The following GREB1 variants were observed in gnomAD, a reference collection of about 807,000 sequenced individuals.
The protein encoded by GREB1 is protein GREB1.
Under a neutral mutation model 200.7 loss-of-function variants are expected in GREB1, and 106 were observed. That is an observed-to-expected ratio of 0.53 (90% CI 0.45 to 0.62). The LOEUF (loss-of-function observed/expected upper bound fraction) is 0.62. Ranked by LOEUF, GREB1 falls within the 20% of genes least tolerant of loss-of-function variation. The pLI is 0.00. For missense variants in GREB1, 2,243 were observed against 2,556.8 expected (o/e 0.88, Z 2.65); for synonymous variants, 1,132 against 1,092.4 (o/e 1.04, Z -0.72).
intron 1 of GREB1, among the ~76,000 whole-genome samples, chr2:11,487,553 G>A (rs1246746912): frequency 6.6e-6 from 1 of 152,212 alleles, no homozygotes; most frequent in Non-Finnish European, 1.5e-5. Context: ...TTTAGGGGTA[G>A]TGTGAGAGAC....
At chr2:11,550,309 G>A (rs926511741) in intron 1 of GREB1, among the ~76,000 whole-genome samples, 1 of 152,174 alleles carries the variant, frequency 6.6e-6, no homozygotes, top group Non-Finnish European at 1.5e-5. Context: ...CTGTTATACT[G>A]AGTACCCCCA....
chr2:11,484,588 AAAAC>A (rs766926427), intron 1 of GREB1, among the ~76,000 whole-genome samples: 2,033 of 8,822 alleles, frequency 0.23, 69 homozygotes, highest in South Asian at 0.35. Flanking sequence ...CATCTCTTAA[AAAAC>A]AAAAAAAAAA....
At chr2:11,598,118 A>C in intron 14 of GREB1, 140 bp downstream of exon 14, 1 of 748,158 alleles carries the variant, frequency 1.3e-6, no homozygotes, top group Non-Finnish European at 2.3e-6. Context: ...TGTGAAACTG[A>C]TGTTCAGAGA....
In GREB1 at chr2:11,596,268, T is replaced by C. The variant is rs996882400; in HGVS notation, c.1954+29T>C. 14 of 1,598,426 alleles carry C rather than the reference T, an allele frequency of 8.8e-6. No homozygotes were observed. In the African/African-American group the frequency reaches 1.5e-4, roughly 17 times the overall value. On this transcript the variant is annotated intron_variant, in intron 13 of 32. Coordinates refer to ENST00000381486, the MANE Select transcript of GREB1 (RefSeq NM_014668.4). ...AGTGGTGAAAAGGAATCTCCCAGGG[T>C]GGAGAGGGTACAAAGTAGTGATGAG...
At chr2:11,582,171 C>G (rs1181800187) in intron 7 of GREB1, among the ~76,000 whole-genome samples, 1 of 152,234 alleles carries the variant, frequency 6.6e-6, no homozygotes, top group African/African-American at 2.4e-5. Flanking sequence ...TCTGTGGACC[C>G]CCAGCCTCCA....
At chr2:11,519,186 G>A (rs1164251706) in intron 1 of GREB1, among the ~76,000 whole-genome samples, 1 of 151,776 alleles carries the variant, frequency 6.6e-6, no homozygotes, top group African/African-American at 2.4e-5. Flanking sequence ...TGACAGAAAG[G>A]TACCAATTAC....
intron 4 of GREB1, among the ~76,000 whole-genome samples, chr2:11,574,244 C>T (rs1356639308): frequency 6.6e-6 from 1 of 152,210 alleles, no homozygotes; most frequent in Admixed American, 6.5e-5. Context: ...TGTACACTGG[C>T]ACACACACAG....
At chr2:11,505,963 A>G (rs1226942473) in intron 1 of GREB1, among the ~76,000 whole-genome samples, 6 of 152,242 alleles carry the variant, frequency 3.9e-5, no homozygotes, top group African/African-American at 1.2e-4. Flanking sequence ...AACATCGGCG[A>G]ACTCTCAGTT....
intron 27 of GREB1, among the ~76,000 whole-genome samples, chr2:11,632,335 C>CTTTTTTTTTTTTTTTT (rs567209224): frequency 2.7e-5 from 3 of 112,184 alleles, no homozygotes; most frequent in Non-Finnish European, 3.6e-5. Context: ...TTCTTTCTCT[C>CTTTTTTTTTTTTTTTT]TTTTTTTTTT....
chr2:11,630,602 C>A (rs897403839), intron 26 of GREB1, among the ~76,000 whole-genome samples: 1 of 152,192 alleles, frequency 6.6e-6, no homozygotes, highest in Non-Finnish European at 1.5e-5. Flanking sequence ...AGCCTTGTTT[C>A]ATCCGTCCCT....
At chr2:11,502,178 A>G (rs1158506417) in intron 1 of GREB1, among the ~76,000 whole-genome samples, 1 of 149,292 alleles carries the variant, frequency 6.7e-6, no homozygotes, top group Non-Finnish European at 1.5e-5. Flanking sequence ...GGGCCTCCCA[A>G]AGTTCTGGGA....
At chr2:11,560,717 T>G (rs904464064) in intron 2 of GREB1, among the ~76,000 whole-genome samples, 2 of 150,820 alleles carry the variant, frequency 1.3e-5, no homozygotes, top group Non-Finnish European at 2.9e-5. Context: ...AAAAAAGAAA[T>G]AAGCGAAGAG....
chr2:11,562,345 T>C (rs1305838409), intron 2 of GREB1, 118 bp from the exon 3 acceptor site: 3 of 1,331,700 alleles, frequency 2.3e-6, no homozygotes, highest in African/African-American at 3.0e-5. Context: ...CATTCTGGAT[T>C]AGTCCCATAG....
intron 1 of GREB1, among the ~76,000 whole-genome samples, chr2:11,501,216 C>G (rs1172894251): frequency 6.6e-6 from 1 of 152,178 alleles, no homozygotes; most frequent in Non-Finnish European, 1.5e-5. Flanking sequence ...TCCCTACTGA[C>G]TTTGCATTTA....
At chr2:11,529,947 A>C (rs1674009372), upstream of GREB1, among the ~76,000 whole-genome samples, 1 of 152,244 alleles carries the variant, frequency 6.6e-6, no homozygotes, top group Non-Finnish European at 1.5e-5. Flanking sequence ...AATGAAAATT[A>C]AGTTAAATTG....
intron 4 of GREB1, among the ~76,000 whole-genome samples, chr2:11,574,466 G>A (rs745765615): frequency 6.6e-6 from 1 of 152,168 alleles, no homozygotes; most frequent in Non-Finnish European, 1.5e-5. Flanking sequence ...GGCCCCCAGA[G>A]GAAAGGATGA....
chr2:11,503,072 A>G (rs1673090495), intron 1 of GREB1, among the ~76,000 whole-genome samples: 1 of 152,182 alleles, frequency 6.6e-6, no homozygotes. Context: ...AAGGAGACCA[A>G]TGTTCTAGTT....
rs1347168416 is a variant in GREB1, at chr2:11,642,510, G to C, written c.*2056G>C. The C allele has an allele frequency of 6.6e-6, 1 of 152,160 alleles. No individual in the cohort carries two copies. Among genetic ancestry groups the C allele is most frequent in the Non-Finnish European group, 1.5e-5 (1 of 68,032 alleles). The allele number at this position is 152,160 out of a possible 1,614,324, so 9.4% of individuals were successfully genotyped here. A position where few individuals can be genotyped will look rare whatever the true frequency, so the allele number is the denominator to read the frequency against. ...AATCCAAGAATAAATGATTGTAAAA[G>C]ATGATGCCGAAGAGTTGATGTCAAT... On this transcript the variant is annotated 3_prime_UTR_variant, in exon 33 of 33. Coordinates refer to ENST00000381486, the MANE Select transcript of GREB1 (RefSeq NM_014668.4).
intron 1 of GREB1, among the ~76,000 whole-genome samples, chr2:11,502,696 T>C (rs1415410621): frequency 1.3e-5 from 2 of 152,224 alleles, no homozygotes; most frequent in African/African-American, 2.4e-5. Context: ...TCTATTTATA[T>C]ACAAATATGA....
Sources: gnomAD v4.1 joint callset for allele counts (sites outside exome capture counted in the v4.1 genomes callset) on GRCh38, gnomAD v4.1.1 for gene constraint, MANE v1.5 for transcripts, NCBI Gene and HGNC (gene_info 2026-07-23, HGNC 2026-07-21) for gene names.